The following RPS29 variants were observed in gnomAD, a reference collection of about 807,000 sequenced individuals.
RPS29 encodes ribosomal protein S29, also known as small ribosomal subunit protein uS14.
For missense variants in RPS29, 60 were observed against 75.7 expected (o/e 0.79, Z 0.77); for synonymous variants, 37 against 26.9 (o/e 1.37, Z -1.16).
At chr14:49,595,911 G>A (rs1419694461) in intron 1 of RPS29, among the ~76,000 whole-genome samples, 1 of 151,920 alleles carries the variant, frequency 6.6e-6, no homozygotes, top group Non-Finnish European at 1.5e-5. Flanking sequence ...TACTCAGGAG[G>A]CTGAGGCAGG....
chr14:49,577,505 T>C (rs1431972234), exon 3 of RPS29: 1 of 533,182 alleles, frequency 1.9e-6, no homozygotes, highest in Non-Finnish European at 3.4e-6. Flanking sequence ...TCATGAGTGA[T>C]CTCAACACAG....
At chr14:49,586,773 G>C (rs867625567), upstream of RPS29, 5 of 228,850 alleles carry the variant, frequency 2.2e-5, no homozygotes, top group Admixed American at 4.9e-5. Context: ...ACCGGCCCAG[G>C]TCGGAAACGG....
At chr14:49,586,240 G>T in intron 1 of RPS29, 45 bp downstream of exon 1, 2 of 1,590,068 alleles carry the variant, frequency 1.3e-6, no homozygotes, top group Non-Finnish European at 1.7e-6. Flanking sequence ...AAGCAGCCTA[G>T]CGCTCCACGG....
exon 3 of RPS29, chr14:49,572,265 T>C (rs1335940645): frequency 6.6e-6 from 1 of 152,230 alleles, no homozygotes; most frequent in Admixed American, 6.5e-5. Context: ...CCTAGATTTG[T>C]AGCCAATTGA....
chr14:49,587,982 T>C (rs1034658500), upstream of RPS29, among the ~76,000 whole-genome samples: 1 of 152,250 alleles, frequency 6.6e-6, no homozygotes, highest in Non-Finnish European at 1.5e-5. Context: ...AAAGGTATTT[T>C]ATTTTAAAGC....
intron 1 of RPS29, among the ~76,000 whole-genome samples, chr14:49,594,213 A>G (rs930600470): frequency 5.9e-5 from 9 of 152,110 alleles, no homozygotes; most frequent in Admixed American, 2.0e-4. Context: ...GGCTTGCTCT[A>G]CCTCCAAAAT....
Position 49,585,967 on chromosome 14 carries a change from C to T in RPS29, c.145G>A (p.Asp49Asn). Reference protein sequence around the residue: ...CRQCFRQYAKDIGFIKLD With the variant: ...CRQCFRQYAKNIGFIKLD ...ACGCCTACCTTAATGAAACCGATATCCTTCGCGTACTGACGGAAACACTGG... is the reference window on the plus strand; with the variant it reads ...ACGCCTACCTTAATGAAACCGATATTCTTCGCGTACTGACGGAAACACTGG... Residue 49 changes from aspartate to asparagine, a missense_variant, in exon 2 of 3, where the codon GAT (aspartate) becomes AAT (asparagine). Coordinates refer to ENST00000245458, the MANE Select transcript of RPS29 (RefSeq NM_001032.5). 1 of 1,613,754 alleles carries T rather than the reference C, an allele frequency of 6.2e-7. No individual in the cohort carries two copies. Among genetic ancestry groups the T allele is most frequent in the Non-Finnish European group, 8.5e-7 (1 of 1,179,714 alleles).
exon 3 of RPS29, chr14:49,577,607 T>A: frequency 2.9e-6 from 2 of 692,870 alleles, no homozygotes; most frequent in Non-Finnish European, 5.2e-6. Flanking sequence ...TGCTTTGTCT[T>A]TTTGTTTCTC....
At chr14:49,581,709 G>A (rs560774612), downstream of RPS29, among the ~76,000 whole-genome samples, 16 of 152,132 alleles carry the variant, frequency 1.1e-4, no homozygotes, top group African/African-American at 3.6e-4. Context: ...CCTATCTCCT[G>A]TATCGGTTCC....
chr14:49,584,001 TGAGAGA>T (rs369126250), intron 2 of RPS29, among the ~76,000 whole-genome samples: 1 of 152,184 alleles, frequency 6.6e-6, no homozygotes, highest in East Asian at 1.9e-4. Context: ...ATTTTTTTTT[TGAGAGA>T]GAGTCTCGCT....
chr14:49,574,028 C>T (rs1008069957), exon 3 of RPS29: 2 of 152,156 alleles, frequency 1.3e-5, no homozygotes, highest in Non-Finnish European at 2.9e-5. Flanking sequence ...TCCATCAACT[C>T]GTCCTTTAAT....
chr14:49,576,342 A>G (rs1437702167), exon 3 of RPS29: 1 of 151,972 alleles, frequency 6.6e-6, no homozygotes, highest in Non-Finnish European at 1.5e-5. Context: ...GCATCAAACC[A>G]TCCTCCTGCC....
chr14:49,572,693 C>T (rs1231270711), exon 3 of RPS29: 1 of 152,118 alleles, frequency 6.6e-6, no homozygotes, highest in Non-Finnish European at 1.5e-5. Flanking sequence ...GCTCCCTTGG[C>T]AATAAAGAAG....
chr14:49,574,803 G>A (rs1287192394), exon 3 of RPS29: 4 of 152,368 alleles, frequency 2.6e-5, no homozygotes, highest in African/African-American at 9.6e-5. Flanking sequence ...CACCCACGAA[G>A]AAATTGGAAG....
At chr14:49,593,293 A>C (rs1301982083) in intron 1 of RPS29, among the ~76,000 whole-genome samples, 1 of 152,244 alleles carries the variant, frequency 6.6e-6, no homozygotes, top group Non-Finnish European at 1.5e-5. Context: ...AATGACTCAG[A>C]AGCCAGGAAG....
chr14:49,578,685 C>T (rs1881255236), downstream of RPS29, among the ~76,000 whole-genome samples: 1 of 151,020 alleles, frequency 6.6e-6, no homozygotes, highest in Admixed American at 6.6e-5. Flanking sequence ...CTCAGCCCCC[C>T]AAGTAGCTGG....
intron 1 of RPS29, among the ~76,000 whole-genome samples, chr14:49,591,559 G>A (rs376313869): frequency 2.7e-5 from 4 of 150,830 alleles, no homozygotes; most frequent in African/African-American, 9.8e-5. Context: ...TAATCCACCC[G>A]CCTCAGCCTC....
chr14:49,591,267 T>C (rs923901492), upstream of RPS29, among the ~76,000 whole-genome samples: 9 of 147,804 alleles, frequency 6.1e-5, no homozygotes, highest in African/African-American at 2.2e-4. Context: ...ACCAACAAGT[T>C]AGCAGTTTTT....
upstream of RPS29, among the ~76,000 whole-genome samples, chr14:49,590,055 G>A (rs1881678898): frequency 6.6e-6 from 1 of 152,198 alleles, no homozygotes; most frequent in South Asian, 2.1e-4. Context: ...GGTGGGAGGA[G>A]GGTGAGGATT....
Sources: allele counts gnomAD v4.1 joint callset (sites outside exome capture counted in the v4.1 genomes callset), GRCh38; gene constraint gnomAD v4.1.1; transcripts MANE v1.5; gene names NCBI Gene and HGNC (gene_info 2026-07-23, HGNC 2026-07-21).